Variants in EFCAB13 observed in about 807,000 individuals in gnomAD.
The protein encoded by EFCAB13 is EF-hand calcium-binding domain-containing protein 13.
In EFCAB13, 91 loss-of-function variants were observed where a neutral mutation model predicts 110.2. The observed-to-expected ratio is 0.83, with a 90% CI of 0.70 to 0.98. EFCAB13 has a LOEUF of 0.98. EFCAB13 is among the 50% of genes least tolerant of loss of function. The pLI is 0.00. For synonymous variants in EFCAB13, 323 were observed against 369.9 expected, an observed-to-expected ratio of 0.87 and a Z score of 1.45; for missense variants, 968 against 1,119.4, an observed-to-expected ratio of 0.86 and a Z score of 1.93.
intron 12 of EFCAB13, 56 bp downstream of exon 12, chr17:47,375,022 G>T (rs935126481): frequency 3.4e-6 from 5 of 1,475,570 alleles, no homozygotes; most frequent in Middle Eastern, 1.8e-4. Context: ...TGAACAGAAT[G>T]AATCAATTAT....
chr17:47,434,326 A>AT (rs1263774950), intron 24 of EFCAB13, among the ~76,000 whole-genome samples: 1 of 151,048 alleles, frequency 6.6e-6, no homozygotes, highest in Non-Finnish European at 1.5e-5. Flanking sequence ...AAAAAAAAAT[A>AT]AATAAATACT....
chr17:47,336,592 ATTTT>A (rs66495523), intron 5 of EFCAB13, among the ~76,000 whole-genome samples: 13 of 119,510 alleles, frequency 1.1e-4, no homozygotes, highest in East Asian at 2.3e-4. Context: ...CACCTGGCCA[ATTTT>A]TTTTTTTTTT....
At chr17:47,440,359 T>G in intron 24 of EFCAB13, 72 bp from the exon 25 acceptor site, 3 of 1,400,396 alleles carry the variant, frequency 2.1e-6, no homozygotes, top group Non-Finnish European at 2.8e-6. Flanking sequence ...ATTTGACTAT[T>G]AGCTTCAGCT....
At chr17:47,397,643 G>T (rs1312545675) in intron 17 of EFCAB13, among the ~76,000 whole-genome samples, 2 of 151,514 alleles carry the variant, frequency 1.3e-5, no homozygotes, top group Non-Finnish European at 2.9e-5. Flanking sequence ...TCTGAGATGT[G>T]GGGAGAGCCT....
rs1405733089 is a variant in EFCAB13 at position 47,404,592 on chromosome 17, T to C, written c.2192T>C (p.Met731Thr). The C allele has an allele frequency of 4.3e-6, 7 of 1,612,774 alleles. No individual in the cohort carries two copies. Among genetic ancestry groups the C allele is most frequent in the East Asian group, 2.2e-5 (1 of 44,752 alleles). The stretch of plus-strand genomic sequence containing the variant: ...AACATGGTGAACATTAAAGACTGTA[T>C]GAGGGCTTTGAGGGACACCCAGAAA... The part of the protein sequence containing the change: ...EDNMVNIKDC[M>T]RALRDTQKFS... The change falls in exon 20 of 25, where the codon ATG (methionine) becomes ACG (threonine). Residue 731 changes from methionine to threonine, a missense_variant. Physicochemically the swap from Met to Thr is moderately conservative, Grantham distance 81. Coordinates refer to ENST00000331493, the MANE Select transcript of EFCAB13 (RefSeq NM_152347.5).
intron 5 of EFCAB13, among the ~76,000 whole-genome samples, chr17:47,338,507 C>T (rs1026033676): frequency 6.6e-6 from 1 of 151,774 alleles, no homozygotes; most frequent in Non-Finnish European, 1.5e-5. Flanking sequence ...ACTTTGGCCT[C>T]CCAAAGTGCT....
chr17:47,399,294 A>G (rs2065766637), intron 17 of EFCAB13, among the ~76,000 whole-genome samples: 1 of 152,072 alleles, frequency 6.6e-6, no homozygotes, highest in Admixed American at 6.5e-5. Flanking sequence ...AAATATACAC[A>G]TGATATTGAA....
intron 8 of EFCAB13, among the ~76,000 whole-genome samples, chr17:47,346,442 C>G (rs1323465447): frequency 1.4e-5 from 2 of 140,356 alleles, no homozygotes; most frequent in African/African-American, 5.3e-5. Context: ...TACCCCCCCC[C>G]CCATTTATCT....
intron 14 of EFCAB13, among the ~76,000 whole-genome samples, chr17:47,384,735 T>C (rs1206677968): frequency 2.0e-5 from 3 of 152,132 alleles, no homozygotes; most frequent in African/African-American, 2.4e-5. Context: ...GGCTTCCCTT[T>C]GTAGGTAACC....
Position 47,440,580 on chromosome 17 carries a change from G to T in EFCAB13, c.2788G>T (p.Asp930Tyr). 1 of 1,613,076 alleles carries T rather than the reference G, an allele frequency of 6.2e-7. No individual in the cohort carries two copies. The highest frequency in any genetic ancestry group is 8.5e-7 in the Non-Finnish European group (1 of 1,179,568). Residue 930 changes from aspartate (D) to tyrosine (Y), a missense_variant, in exon 25 of 25, where the codon GAT becomes TAT. Asp to Tyr is a radical substitution (Grantham distance 160). Transcript: ENST00000331493. ...GGTTTACATGTTAAAAACAATACAGGATTCGATAGTTAAAGCACAGGTAAG... is the reference window on the plus strand; with the variant it reads ...GGTTTACATGTTAAAAACAATACAGTATTCGATAGTTAAAGCACAGGTAAG... ...AVVYMLKTIQ[D>Y]SIVKAQVSKK...
chr17:47,414,879 A>G lies in EFCAB13; in HGVS notation c.2454A>G (p.Leu818=), dbSNP rs775430672. Residue 818 remains leucine (L), a synonymous_variant, in exon 23 of 25, where the codon TTA becomes TTG. Transcript: ENST00000331493. ...TGGAGGTGGATTTAAAAGATTTCTT[A>G]ATGAAAATGAAAGAAAGTCCACATT... is the stretch of plus-strand genomic sequence containing the variant. The part of the protein sequence containing the change: ...DNMEVDLKDF[L]MKMKESPHFQ... 2.5e-6 allele frequency: 4 copies of G among 1,607,938 alleles called. No individual in the cohort carries two copies. The highest frequency in any genetic ancestry group is 1.3e-5 in the African/African-American group (1 of 74,834).
intron 4 of EFCAB13, among the ~76,000 whole-genome samples, chr17:47,331,859 A>T (rs183322916): frequency 6.6e-6 from 1 of 152,018 alleles, no homozygotes; most frequent in Non-Finnish European, 1.5e-5. Context: ...TTTTCACTTA[A>T]TGTGCATTTA....
rs142536093 is a variant in EFCAB13, at chr17:47,371,654, C to T, written c.877+1146C>T. On this transcript the variant is annotated intron_variant, in intron 11 of 24. Transcript: ENST00000331493. ...TTTGAGACAGAGTCACGCTCTGTCA[C>T]CCAGGCTGGAGTGCAGTGGCGTGAT... 2.4e-3 allele frequency among the ~76,000 whole-genome samples: 371 copies of T among 152,220 alleles called. 19 individuals are homozygous for T. In the East Asian group the frequency reaches 0.064, roughly 26 times the overall value.
chr17:47,355,361 A>G (rs563351479), intron 9 of EFCAB13, among the ~76,000 whole-genome samples: 4 of 152,280 alleles, frequency 2.6e-5, no homozygotes, highest in African/African-American at 4.8e-5. Context: ...TGCCAAGGCA[A>G]TGATCTTTTT....
At chr17:47,365,314 G>A (rs2065539829) in intron 10 of EFCAB13, among the ~76,000 whole-genome samples, 2 of 152,148 alleles carry the variant, frequency 1.3e-5, no homozygotes, top group African/African-American at 2.4e-5. Context: ...AGAACAAAAT[G>A]TTCTTCATTT....
intron 4 of EFCAB13, 109 bp downstream of exon 4, chr17:47,328,492 A>G: frequency 1.1e-6 from 1 of 878,566 alleles, no homozygotes; most frequent in South Asian, 1.8e-5. Context: ...TAATAGTTAT[A>G]AGGAACCTGG....
chr17:47,352,332 C>G (rs980670868), intron 9 of EFCAB13, among the ~76,000 whole-genome samples: 1 of 151,986 alleles, frequency 6.6e-6, no homozygotes, highest in East Asian at 1.9e-4. Context: ...TTCCCTTTAC[C>G]ATTTATTGAA....
chr17:47,422,426 A>C (rs1030342914), intron 23 of EFCAB13, among the ~76,000 whole-genome samples: 6 of 152,194 alleles, frequency 3.9e-5, no homozygotes, highest in Admixed American at 6.5e-5. Context: ...TAAGGATTAA[A>C]AGGGAAGAAA....
At chr17:47,390,325 T>TACAC (rs111830433) in intron 14 of EFCAB13, among the ~76,000 whole-genome samples, 65 of 150,210 alleles carry the variant, frequency 4.3e-4, no homozygotes, top group African/African-American at 1.0e-3. Flanking sequence ...GTTTTTTTCA[T>TACAC]ACACACACAC....
Sources: gnomAD v4.1 joint callset for allele counts (sites outside exome capture counted in the v4.1 genomes callset) on GRCh38, gnomAD v4.1.1 for gene constraint, MANE v1.5 for transcripts, NCBI Gene and HGNC (gene_info 2026-07-23, HGNC 2026-07-21) for gene names.